ABTB2: variants seen among roughly 807,000 people sequenced by gnomAD.
ABTB2 encodes ankyrin repeat and BTB/POZ domain-containing protein 2.
ABTB2 carries 56 observed loss-of-function variants against 104.1 expected under a neutral mutation model. The ratio of observed to expected loss-of-function variants is 0.54; its 90% confidence interval spans 0.43 to 0.67. The LOEUF (loss-of-function observed/expected upper bound fraction) is 0.67, where lower values mean the gene tolerates loss of function less well. Among genes scored for constraint, ABTB2 ranks in the 30% least tolerant of loss-of-function variants. The pLI, the probability that ABTB2 is intolerant of heterozygous loss-of-function variation, is 0.00. For synonymous variants in ABTB2, 606 were observed against 608.2 expected (o/e 1.00, Z 0.05); for missense variants, 1,279 against 1,407.7 (o/e 0.91, Z 1.46).
intron 12 of ABTB2, 61 bp downstream of exon 12, chr11:34,160,187 G>T (rs1852689230): frequency 2.8e-6 from 4 of 1,447,148 alleles, no homozygotes; most frequent in Non-Finnish European, 3.9e-6. Context: ...TGGGGAGGAA[G>T]CAGGAAAGGG....
intron 5 of ABTB2, among the ~76,000 whole-genome samples, chr11:34,169,153 A>T (rs898034570): frequency 1.3e-5 from 2 of 152,202 alleles, no homozygotes; most frequent in Admixed American, 6.5e-5. Flanking sequence ...CTCCCTGCGG[A>T]CAGACTTGAC....
intron 1 of ABTB2, among the ~76,000 whole-genome samples, chr11:34,341,246 T>C (rs1299603475): frequency 2.0e-5 from 3 of 152,222 alleles, no homozygotes; most frequent in Non-Finnish European, 4.4e-5. Flanking sequence ...TGAGAGGGGC[T>C]AAGTGACTTG....
In ABTB2 at chr11:34,204,583, A is replaced by G. The variant is rs1216612286; in HGVS notation, c.991T>C (p.Ser331Pro). The G allele has an allele frequency of 6.2e-7, 1 of 1,613,574 alleles. No homozygotes were observed. Among genetic ancestry groups the G allele is most frequent in the Admixed American group, 1.7e-5 (1 of 60,014 alleles). ...CTGCCCACGCAGGTGGCCAGGAGGG[A>G]CTGCTCCAGGGTTCGGAGCTCCAGC... ...AQLELRTLEQ[S>P]LLATCVGSIS... The change falls in exon 2 of 17, where the codon TCC (serine) becomes CCC (proline). Residue 331 changes from serine to proline, a missense_variant. Transcript: ENST00000435224.
rs896460408 is a variant in ABTB2 at position 34,202,970 on chromosome 11, C to T, written c.1030+1574G>A. On this transcript the variant is annotated intron_variant, in intron 2 of 16. Coordinates refer to ENST00000435224, the MANE Select transcript of ABTB2 (RefSeq NM_145804.3). ...CAACAGGTCTTGGCCCCTTGGCTAG[C>T]GGTAATGGCAGAATGATGTCAAGCC... Among the ~76,000 whole-genome samples, 4 of 152,174 alleles carry T rather than the reference C, an allele frequency of 2.6e-5. No individual in the cohort carries two copies. The East Asian group carries it at 5.8e-4, about 22-fold the overall frequency.
At chr11:34,236,129 T>G (rs1853840114) in intron 1 of ABTB2, among the ~76,000 whole-genome samples, 1 of 151,988 alleles carries the variant, frequency 6.6e-6, no homozygotes, top group South Asian at 2.1e-4. Context: ...GATATTCTTG[T>G]TGGCAGAGGG....
intron 1 of ABTB2, among the ~76,000 whole-genome samples, chr11:34,306,061 T>C (rs1043327577): frequency 4.6e-5 from 7 of 152,076 alleles, no homozygotes; most frequent in African/African-American, 1.7e-4. Context: ...CATACCAAAG[T>C]CTATTCTCTA....
chr11:34,295,980 T>A (rs918099776), intron 1 of ABTB2, among the ~76,000 whole-genome samples: 1 of 152,104 alleles, frequency 6.6e-6, no homozygotes, highest in Non-Finnish European at 1.5e-5. Context: ...TGAAAGTGAA[T>A]TCATAGTTGG....
Position 34,202,911 on chromosome 11 carries a change from G to A in ABTB2, c.1030+1633C>T, listed in dbSNP as rs7121915. ...AGCAGTGGAGTTGGTGAAAGGGGCAGACTAAAACTCAGGATTGTTGTAAGT... is the reference window on the plus strand; with the variant it reads ...AGCAGTGGAGTTGGTGAAAGGGGCAAACTAAAACTCAGGATTGTTGTAAGT... On this transcript the variant is annotated intron_variant, in intron 2 of 16. Coordinates refer to ENST00000435224, the MANE Select transcript of ABTB2 (RefSeq NM_145804.3). Among the ~76,000 whole-genome samples, 560 of 152,328 alleles carry A rather than the reference G, an allele frequency of 3.7e-3. 7 individuals carry two copies. Among genetic ancestry groups the A allele is most frequent in the African/African-American group, 0.013 (533 of 41,574 alleles).
chr11:34,285,848 A>T, intron 1 of ABTB2, among the ~76,000 whole-genome samples: 1 of 152,202 alleles, frequency 6.6e-6, no homozygotes. Flanking sequence ...CTAAGCTAAA[A>T]GTTCCCCTCC....
chr11:34,336,613 A>AG (rs1855195476), intron 1 of ABTB2, among the ~76,000 whole-genome samples: 1 of 152,138 alleles, frequency 6.6e-6, no homozygotes, highest in Non-Finnish European at 1.5e-5. Context: ...ACTACACTCC[A>AG]GCCTAGGTGA....
At chr11:34,242,507 C>T (rs1213379464) in intron 1 of ABTB2, 1 of 152,318 alleles carries the variant, frequency 6.6e-6, no homozygotes, top group Non-Finnish European at 1.5e-5. Context: ...GTATGTACCA[C>T]CCCACTGAGC....
chr11:34,186,532 C>A (rs376204651), intron 3 of ABTB2, among the ~76,000 whole-genome samples: 1 of 152,196 alleles, frequency 6.6e-6, no homozygotes, highest in African/African-American at 2.4e-5. Flanking sequence ...AGACTGCAGA[C>A]AAAGGGGATT....
intron 3 of ABTB2, among the ~76,000 whole-genome samples, chr11:34,176,809 T>C (rs1241308389): frequency 6.6e-6 from 1 of 152,244 alleles, no homozygotes; most frequent in Non-Finnish European, 1.5e-5. Flanking sequence ...AGCCTAGTGT[T>C]GACTCATTAG....
At chr11:34,266,889 C>T (rs977807808) in intron 1 of ABTB2, among the ~76,000 whole-genome samples, 37 of 151,550 alleles carry the variant, frequency 2.4e-4, no homozygotes, top group Non-Finnish European at 1.8e-4. Context: ...GAGGGAGAGG[C>T]GGGGGAGGTA....
At chr11:34,217,749 A>G (rs1446663567) in intron 1 of ABTB2, among the ~76,000 whole-genome samples, 1 of 152,242 alleles carries the variant, frequency 6.6e-6, no homozygotes, top group Non-Finnish European at 1.5e-5. Flanking sequence ...GGCATGAGCC[A>G]CCGTGCCCAG....
At chr11:34,327,734 C>T (rs1053097911) in intron 1 of ABTB2, among the ~76,000 whole-genome samples, 1 of 152,128 alleles carries the variant, frequency 6.6e-6, no homozygotes, top group Non-Finnish European at 1.5e-5. Context: ...TCCCCCTCTC[C>T]CAGATACGTT....
chr11:34,352,559 AG>A (rs1423290133), intron 1 of ABTB2, among the ~76,000 whole-genome samples: 1 of 152,230 alleles, frequency 6.6e-6, no homozygotes, highest in Admixed American at 6.5e-5. Context: ...TGGTGGGTAC[AG>A]GGTCAGTGCT....
At chr11:34,198,454 C>CA (rs71457323) in intron 2 of ABTB2, among the ~76,000 whole-genome samples, 2,657 of 143,074 alleles carry the variant, frequency 0.019, 36 homozygotes, top group Middle Eastern at 0.04. Flanking sequence ...ACAACAACAA[C>CA]AAAAAAAAAC....
intron 3 of ABTB2, among the ~76,000 whole-genome samples, chr11:34,181,801 A>C (rs548228568): frequency 1.3e-5 from 2 of 152,334 alleles, no homozygotes; most frequent in East Asian, 3.9e-4. Context: ...CTGGGAGTCC[A>C]GGAAAGGACA....
Sources: allele counts gnomAD v4.1 joint callset (sites outside exome capture counted in the v4.1 genomes callset), GRCh38; gene constraint gnomAD v4.1.1; transcripts MANE v1.5; gene names NCBI Gene and HGNC (gene_info 2026-07-23, HGNC 2026-07-21).